Variants in RILPL1 observed in about 807,000 individuals in gnomAD.
The protein encoded by RILPL1 is Rab interacting lysosomal protein like 1.
A neutral mutation model predicts 50.3 loss-of-function variants in RILPL1; 33 were observed. That is an observed-to-expected ratio of 0.66 (90% CI 0.50 to 0.88). The LOEUF (loss-of-function observed/expected upper bound fraction) is 0.88, where lower values mean the gene tolerates loss of function less well. RILPL1 is among the 40% of genes least tolerant of loss of function. RILPL1 has a pLI of 0.00. For missense variants in RILPL1, 418 were observed against 542.5 expected (o/e 0.77, Z 2.28); for synonymous variants, 205 against 228.6 (o/e 0.90, Z 0.93).
chr12:123,521,659 A>G (rs191240321), intron 2 of RILPL1, among the ~76,000 whole-genome samples: 360 of 12,020 alleles, frequency 0.03, 4 homozygotes, highest in Middle Eastern at 0.077. Context: ...ATACACATAT[A>G]TGTATATATA....
chr12:123,530,338 G>A (rs748901393), intron 1 of RILPL1, among the ~76,000 whole-genome samples: 1 of 152,136 alleles, frequency 6.6e-6, no homozygotes, highest in African/African-American at 2.4e-5. Flanking sequence ...GCTAATTTTT[G>A]TATTTTTAGT....
At position 123,533,450 on chromosome 12, in the gene RILPL1, G is replaced by C. The variant is rs1885520584; in HGVS notation, c.33C>G (p.Ala11=). ...CCACGTTCTTCTCCAGCGCCGACTCGGCCGCCAGCGCCGACCCCCGCTCCT... is the reference window on the plus strand; with the variant it reads ...CCACGTTCTTCTCCAGCGCCGACTCCGCCGCCAGCGCCGACCCCCGCTCCT... MEEERGSALA[A]ESALEKNVAE... The change falls in exon 1 of 7, where the codon GCC becomes GCG. Residue 11 remains alanine, a synonymous_variant. Transcript: ENST00000376874. This position sits in a 1 kb window ranked among gnomAD's most constrained non-coding sequence, Gnocchi z 6.2. The C allele has an allele frequency of 2.6e-6, 4 of 1,530,134 alleles. No homozygotes were observed. Among genetic ancestry groups the C allele is most frequent in the African/African-American group, 1.4e-5 (1 of 72,708 alleles). The allele number at this position is 1,530,134 out of a possible 1,614,324, so 94.8% of individuals were successfully genotyped here.
chr12:123,523,734 T>C lies in RILPL1; in HGVS notation c.310-89A>G, dbSNP rs940236864. 1.2e-5 allele frequency: 17 copies of C among 1,453,692 alleles called. No homozygotes were observed. In the African/African-American group the frequency reaches 2.4e-4, roughly 21 times the overall value. 90.0% of individuals were successfully genotyped at this position (1,453,692 alleles called of 1,614,324 possible). A position where few individuals can be genotyped will look rare whatever the true frequency, so the allele number is the denominator to read the frequency against. On this transcript the variant is annotated intron_variant, in intron 1 of 6. Coordinates refer to ENST00000376874, the MANE Select transcript of RILPL1 (RefSeq NM_178314.5). ...GACCCTCAGGGGCAGCTTGGGTTGC[T>C]GGGACTTTGGGCCATCCCCTTCCTC...
At chr12:123,497,749 T>C (rs1383529274) in intron 4 of RILPL1, among the ~76,000 whole-genome samples, 2 of 152,140 alleles carry the variant, frequency 1.3e-5, no homozygotes, top group Non-Finnish European at 2.9e-5. Context: ...CTCGCTATGT[T>C]GCCCAGGCCA....
Position 123,490,066 on chromosome 12 carries a change from C to T in RILPL1, c.802-4261G>A, listed in dbSNP as rs551514876. On this transcript the variant is annotated intron_variant, in intron 4 of 6. Coordinates refer to ENST00000376874, the MANE Select transcript of RILPL1 (RefSeq NM_178314.5). ...CCCCTTTCTCCTTCTCCTGCCTGGACCCTGCAGGCAGCAGTGGCCCCTGCT... is the reference window on the plus strand; with the variant it reads ...CCCCTTTCTCCTTCTCCTGCCTGGATCCTGCAGGCAGCAGTGGCCCCTGCT... 7.2e-4 allele frequency among the ~76,000 whole-genome samples: 110 copies of T among 152,198 alleles called. 1 individual carries two copies. Among genetic ancestry groups the T allele is most frequent in the African/African-American group, 2.5e-3 (102 of 41,524 alleles).
At chr12:123,513,517 G>A (rs1228133447) in intron 2 of RILPL1, 1 of 212,146 alleles carries the variant, frequency 4.7e-6, no homozygotes, top group South Asian at 4.8e-5. Flanking sequence ...GAAGCCTGGC[G>A]CCTGACTCCT....
Position 123,485,863 on chromosome 12 carries a change from C to A in RILPL1, c.802-58G>T. The A allele has an allele frequency of 6.6e-7, 1 of 1,525,848 alleles. No individual in the cohort carries two copies. The highest frequency in any genetic ancestry group is 8.8e-7 in the Non-Finnish European group (1 of 1,138,364). The allele number at this position is 1,525,848 out of a possible 1,614,324, so 94.5% of individuals were successfully genotyped here. A position where few individuals can be genotyped will look rare whatever the true frequency, so the allele number is the denominator to read the frequency against. The stretch of plus-strand genomic sequence containing the variant: ...TTGGCAGCCACTGCCAGCACCCACT[C>A]TCTATCCTGAAGGAGCCCAAATTCT... On this transcript the variant is annotated intron_variant, in intron 4 of 6. Coordinates refer to ENST00000376874, the MANE Select transcript of RILPL1 (RefSeq NM_178314.5). The surrounding 1 kb of genome is among the most constrained non-coding windows in gnomAD (Gnocchi z 4.0).
In RILPL1 at chr12:123,470,408, A is replaced by G. The variant is rs1881131417; in HGVS notation, c.*2130T>C. On this transcript the variant is annotated 3_prime_UTR_variant, in exon 7 of 7. Coordinates refer to ENST00000376874, the MANE Select transcript of RILPL1 (RefSeq NM_178314.5). ...GGATTGCTTGAGCCCAGGGGTTCAT[A>G]GCTGCAATGAGCTATGATAGTGCCA... The G allele has an allele frequency of 6.9e-6, 1 of 145,504 alleles. No homozygotes were observed. The highest frequency in any genetic ancestry group is 1.5e-5 in the Non-Finnish European group (1 of 67,304). The allele number at this position is 145,504 out of a possible 1,614,324, so 9.0% of individuals were successfully genotyped here.
intron 2 of RILPL1, among the ~76,000 whole-genome samples, chr12:123,511,927 T>C (rs1884291496): frequency 1.8e-5 from 2 of 109,534 alleles, no homozygotes; most frequent in Non-Finnish European, 3.7e-5. Flanking sequence ...TGTCTGTGTG[T>C]GGTGTGTGAG....
chr12:123,514,049 G>A (rs1364258606), intron 2 of RILPL1: 1 of 152,258 alleles, frequency 6.6e-6, no homozygotes, highest in Non-Finnish European at 1.5e-5. Context: ...GCAGATGAAA[G>A]ATGGAAGCCA....
At chr12:123,494,251 G>A (rs1882888467) in intron 4 of RILPL1, among the ~76,000 whole-genome samples, 1 of 152,214 alleles carries the variant, frequency 6.6e-6, no homozygotes, top group Non-Finnish European at 1.5e-5. Flanking sequence ...AGCAGCAAGT[G>A]ATGAAACCAC....
chr12:123,491,034 G>A lies in RILPL1; in HGVS notation c.802-5229C>T, dbSNP rs1882659388. Among the ~76,000 whole-genome samples, 1 of 152,208 alleles carries A rather than the reference G, an allele frequency of 6.6e-6. No individual in the cohort carries two copies. Among genetic ancestry groups the A allele is most frequent in the South Asian group, 2.1e-4 (1 of 4,838 alleles). ...CAAAGTGTTGGGATTACAGGCGTGAGCCACCATGCCCGCCCTGACTTCTAA... is the reference window on the plus strand; with the variant it reads ...CAAAGTGTTGGGATTACAGGCGTGAACCACCATGCCCGCCCTGACTTCTAA... On this transcript the variant is annotated intron_variant, in intron 4 of 6. Coordinates refer to ENST00000376874, the MANE Select transcript of RILPL1 (RefSeq NM_178314.5). The surrounding 1 kb of genome is among the most constrained non-coding windows in gnomAD (Gnocchi z 4.0).
intron 6 of RILPL1, among the ~76,000 whole-genome samples, chr12:123,477,044 G>A (rs1176401206): frequency 6.6e-6 from 1 of 152,192 alleles, no homozygotes; most frequent in African/African-American, 2.4e-5. Context: ...GAGGGGCCAG[G>A]CAGGACGAGG....
At chr12:123,483,117 G>C (rs1423981050) in intron 6 of RILPL1, among the ~76,000 whole-genome samples, 1 of 152,242 alleles carries the variant, frequency 6.6e-6, no homozygotes, top group Non-Finnish European at 1.5e-5. Flanking sequence ...TTTCTTGTGG[G>C]TTTTGGAGGA....
At position 123,531,239 on chromosome 12, in the gene RILPL1, A is replaced by G. The variant is rs910168691; in HGVS notation, c.309+1935T>C. On this transcript the variant is annotated intron_variant, in intron 1 of 6. Transcript: ENST00000376874. ...GAGAGGTCATCCTCAATGTAAGTCA[A>G]CAAGCCCTGGCCCTGAGCGCACGGT... Among the ~76,000 whole-genome samples the G allele has an allele frequency of 3.3e-5, 5 of 152,124 alleles. No homozygotes were observed. The East Asian group carries it at 9.6e-4, about 29-fold the overall frequency.
At chr12:123,487,114 T>G (rs1053100951) in intron 4 of RILPL1, among the ~76,000 whole-genome samples, 1 of 152,046 alleles carries the variant, frequency 6.6e-6, no homozygotes, top group Admixed American at 6.6e-5. Context: ...CCTGTACTTA[T>G]TAAGCAGTCA....
chr12:123,483,349 C>T (rs1882123533), intron 6 of RILPL1, among the ~76,000 whole-genome samples: 2 of 152,170 alleles, frequency 1.3e-5, no homozygotes, highest in South Asian at 4.1e-4. Flanking sequence ...CCTCTGTTTC[C>T]TTAACTATAA....
In RILPL1 at chr12:123,470,473, CAAAA is replaced by C. The variant is rs57574691; in HGVS notation, c.*2061_*2064del. The C allele has an allele frequency of 5.3e-4, 46 of 86,154 alleles. No homozygotes were observed. The highest frequency in any genetic ancestry group is 7.6e-4 in the Non-Finnish European group (32 of 42,058). The allele number at this position is 86,154 out of a possible 1,614,324, so 5.3% of individuals were successfully genotyped here. On this transcript the variant is annotated 3_prime_UTR_variant, in exon 7 of 7. Transcript: ENST00000376874. ...AGGTGACAGAGTGAGACCCTGTGTC[CAAAA>C]AAAAAAAAAAAAAAAAGGCCAGCCA...
At position 123,496,653 on chromosome 12, in the gene RILPL1, G is replaced by A. The variant is rs371621727; in HGVS notation, c.801+1891C>T. On this transcript the variant is annotated intron_variant, in intron 4 of 6. Coordinates refer to ENST00000376874, the MANE Select transcript of RILPL1 (RefSeq NM_178314.5). ...AAGTCTCAGCATTGTTAACACTGACGCCCGGCTTCAGGAACAGCTCTTCCC... is the reference window on the plus strand; with the variant it reads ...AAGTCTCAGCATTGTTAACACTGACACCCGGCTTCAGGAACAGCTCTTCCC... Among the ~76,000 whole-genome samples the A allele has an allele frequency of 3.9e-5, 6 of 152,102 alleles. No individual in the cohort carries two copies. The East Asian group carries it at 7.7e-4, about 20-fold the overall frequency.
Sources: allele counts gnomAD v4.1 joint callset (sites outside exome capture counted in the v4.1 genomes callset), GRCh38; gene constraint gnomAD v4.1.1; non-coding constraint Gnocchi (gnomAD v3.1); transcripts MANE v1.5; gene names NCBI Gene and HGNC (gene_info 2026-07-23, HGNC 2026-07-21).